The following TAF1D variants were observed in gnomAD, a reference collection of about 807,000 sequenced individuals.
TAF1D encodes TATA box-binding protein-associated factor RNA polymerase I subunit D.
TAF1D carries 23 observed loss-of-function variants against 26.2 expected under a neutral mutation model. The ratio of observed to expected loss-of-function variants is 0.88; its 90% CI spans 0.63 to 1.25. The LOEUF is 1.25. TAF1D is among the 50% of genes most tolerant of loss of function. The probability of loss-of-function intolerance (pLI) is 0.00; values close to 1 mark genes in which losing one functional copy is unlikely to be tolerated. For missense variants in TAF1D, 299 were observed against 322.0 expected (o/e 0.93, Z 0.55); for synonymous variants, 100 against 105.6 (o/e 0.95, Z 0.33).
chr11:93,738,070 T>G, intron 3 of TAF1D, 39 bp downstream of exon 3: 1 of 1,511,396 alleles, frequency 6.6e-7, no homozygotes, highest in Non-Finnish European at 8.8e-7. Flanking sequence ...TTGGGCATCT[T>G]GAGTTATGTG....
rs1940808235 is a variant in TAF1D at position 93,736,540 on chromosome 11, A to G, written c.693+154T>C. 6.3e-6 allele frequency: 9 copies of G among 1,420,850 alleles called. No homozygotes were observed. In the East Asian group the frequency reaches 1.3e-4, roughly 21 times the overall value. The allele number at this position is 1,420,850 out of a possible 1,614,324, so 88.0% of individuals were successfully genotyped here. Reference sequence around the variant, plus strand: ...ACCCCATGTTCTTTATCAAGTCTCTAAAAAATTATTTTCCTTCTTGCATTT... The same window carrying G: ...ACCCCATGTTCTTTATCAAGTCTCTGAAAAATTATTTTCCTTCTTGCATTT... On this transcript the variant is annotated intron_variant, in intron 5 of 5. Transcript: ENST00000448108.
intron 2 of TAF1D, 141 bp from the exon 3 acceptor site, chr11:93,738,640 C>T: frequency 1.3e-6 from 1 of 763,588 alleles, no homozygotes; most frequent in South Asian, 2.2e-5. Flanking sequence ...AGGATGGGCT[C>T]AGAACCAGCT....
chr11:93,734,769 C>T (rs1291421406), downstream of TAF1D: 2 of 1,266,182 alleles, frequency 1.6e-6, no homozygotes, highest in Non-Finnish European at 2.0e-6. Flanking sequence ...ATTCTACAGG[C>T]CTGGAATCAA....
intron 1 of TAF1D, among the ~76,000 whole-genome samples, chr11:93,740,280 CA>C (rs1180229956): frequency 2.6e-5 from 4 of 151,622 alleles, no homozygotes; most frequent in African/African-American, 9.7e-5. Context: ...CTTGTCTCTA[CA>C]AAAAATTCTT....
downstream of TAF1D, chr11:93,734,768 G>A: frequency 2.4e-6 from 3 of 1,267,088 alleles, no homozygotes; most frequent in Non-Finnish European, 3.1e-6. Context: ...TATTCTACAG[G>A]CCTGGAATCA....
downstream of TAF1D, chr11:93,731,686 C>T (rs1938937492): frequency 5.0e-6 from 2 of 403,478 alleles, no homozygotes; most frequent in South Asian, 1.8e-5. Flanking sequence ...CCTAAAATAA[C>T]ATTTGGAGAA....
chr11:93,736,069 C>T lies in TAF1D; in HGVS notation c.*92G>A. 6.5e-7 allele frequency: 1 copy of T among 1,545,904 alleles called. No individual in the cohort carries two copies. Among genetic ancestry groups the T allele is most frequent in the Non-Finnish European group, 8.7e-7 (1 of 1,155,444 alleles). On this transcript the variant is annotated 3_prime_UTR_variant, in exon 6 of 6. Transcript: ENST00000448108. The stretch of plus-strand genomic sequence containing the variant: ...GTTCTGGGTTTCAGAATTTCTTCAC[C>T]ACCAGACTGGTACATATATCCACAT...
chr11:93,736,559 T>C, intron 5 of TAF1D, 135 bp downstream of exon 5: 1 of 1,426,304 alleles, frequency 7.0e-7, no homozygotes, highest in Non-Finnish European at 9.2e-7. Flanking sequence ...TTTTCCTTCT[T>C]GCATTTCCTG....
chr11:93,731,878 G>GTTTC (rs1242655170), downstream of TAF1D: 4 of 372,658 alleles, frequency 1.1e-5, no homozygotes, highest in African/African-American at 6.4e-5. Flanking sequence ...ACATTACAAT[G>GTTTC]TTTCAGTCAA....
chr11:93,737,350 A>T (rs1019349240), intron 3 of TAF1D, 111 bp from the exon 4 acceptor site: 4 of 653,092 alleles, frequency 6.1e-6, no homozygotes, highest in Non-Finnish European at 1.0e-5. Context: ...TGAATTTGCT[A>T]TCTTAACTAC....
At chr11:93,735,213 TAAAC>T, downstream of TAF1D, 1 of 1,351,794 alleles carries the variant, frequency 7.4e-7, no homozygotes, top group South Asian at 1.1e-5. Context: ...TTGTCCACGT[TAAAC>T]AAAAACATAC....
At chr11:93,739,190 T>A (rs1342563783) in intron 2 of TAF1D, 47 bp downstream of exon 2, 3 of 1,423,504 alleles carry the variant, frequency 2.1e-6, no homozygotes. Context: ...TTATATACAA[T>A]AGTTTCTCAT....
At chr11:93,736,380 C>T in intron 5 of TAF1D, 76 bp from the exon 6 acceptor site, 1 of 1,479,002 alleles carries the variant, frequency 6.8e-7, no homozygotes, top group East Asian at 2.4e-5. Context: ...GCTGAATGCC[C>T]TGGATTACTT....
rs374026844 is a variant in TAF1D, at chr11:93,736,645, C to T, written c.693+49G>A. On this transcript the variant is annotated intron_variant, in intron 5 of 5. Transcript: ENST00000448108. ...CTAAATATAATTCCTTCTGTATCAA[C>T]CAACTCCTGCCTTCCCAAAATGGAA... 25 of 1,599,800 alleles carry T rather than the reference C, an allele frequency of 1.6e-5. No homozygotes were observed. In the African/African-American group the frequency reaches 3.2e-4, roughly 21 times the overall value.
downstream of TAF1D, chr11:93,732,413 A>G (rs1325751393): frequency 1.9e-6 from 1 of 519,104 alleles, no homozygotes; most frequent in Non-Finnish European, 3.8e-6. Context: ...AAGAAAACCA[A>G]CGATGCCAGA....
chr11:93,731,795 G>A (rs1938984311), downstream of TAF1D: 1 of 349,506 alleles, frequency 2.9e-6, no homozygotes, highest in Non-Finnish European at 5.6e-6. Context: ...ATTTACTTTA[G>A]GGTCCTAGAA....
chr11:93,730,655 G>GTCTT, downstream of TAF1D: 1 of 533,358 alleles, frequency 1.9e-6, no homozygotes, highest in South Asian at 1.4e-5. Context: ...CCATACAAAT[G>GTCTT]TCTTTTCTAA....
chr11:93,736,125 T>C lies in TAF1D; in HGVS notation c.*36A>G. ...TTTATTCATTTCTATGAAGTCGTTT[T>C]TTCTATATGCTTCACCTTTGACATT... On this transcript the variant is annotated 3_prime_UTR_variant, in exon 6 of 6. Transcript: ENST00000448108. 1 of 1,610,864 alleles carries C rather than the reference T, an allele frequency of 6.2e-7. No individual in the cohort carries two copies. The highest frequency in any genetic ancestry group is 2.2e-5 in the East Asian group (1 of 44,722).
intron 1 of TAF1D, among the ~76,000 whole-genome samples, chr11:93,740,204 A>T (rs1168333696): frequency 6.6e-6 from 1 of 151,764 alleles, no homozygotes; most frequent in Non-Finnish European, 1.5e-5. Flanking sequence ...AGGCTGGGGT[A>T]GGTGGAATAC....
Sources: allele counts gnomAD v4.1 joint callset (sites outside exome capture counted in the v4.1 genomes callset), GRCh38; gene constraint gnomAD v4.1.1; transcripts MANE v1.5; gene names NCBI Gene and HGNC (gene_info 2026-07-23, HGNC 2026-07-21).